KCNH1: variants seen among roughly 807,000 people sequenced by gnomAD.
The protein encoded by KCNH1 is potassium voltage-gated channel subfamily H member 1, also known as voltage-gated delayed rectifier potassium channel KCNH1.
A neutral mutation model predicts 69.2 loss-of-function variants in KCNH1; 27 were observed. The observed-to-expected ratio is 0.39, with a 90% CI of 0.29 to 0.54. KCNH1 has a LOEUF of 0.54. KCNH1 is among the 20% of genes least tolerant of loss of function. The pLI is 0.68. For synonymous variants in KCNH1, 456 were observed against 487.7 expected (o/e 0.93, Z 0.86); for missense variants, 798 against 1,261.6 (o/e 0.63, Z 5.57).
intron 6 of KCNH1, among the ~76,000 whole-genome samples, chr1:210,964,057 C>G (rs1055738237): frequency 4.3e-4 from 66 of 152,196 alleles, no homozygotes; most frequent in South Asian, 2.1e-4. Context: ...GTTGGGTTAC[C>G]CACAAAGGGA....
chr1:210,796,259 T>C (rs530464938), intron 9 of KCNH1, among the ~76,000 whole-genome samples: 75 of 152,202 alleles, frequency 4.9e-4, no homozygotes, highest in African/African-American at 1.7e-3. Context: ...ATGGACCTCA[T>C]CAGCCATGAG....
chr1:211,125,208 G>C (rs930934004), intron 1 of KCNH1, among the ~76,000 whole-genome samples: 1 of 152,178 alleles, frequency 6.6e-6, no homozygotes, highest in Non-Finnish European at 1.5e-5. Flanking sequence ...CCCACAAGCT[G>C]AAGGCAGCCA....
In KCNH1 at chr1:210,852,759, T is replaced by C. The variant is rs569231707; in HGVS notation, c.1463-48593A>G. On this transcript the variant is annotated intron_variant, in intron 7 of 10. Transcript: ENST00000271751. ...TAGGTTACAGGTTAAAATCATTCCA[T>C]GGTTCCCTTACTTTCATGAACAAAC... Among the ~76,000 whole-genome samples the C allele has an allele frequency of 5.3e-5, 8 of 152,348 alleles. No individual in the cohort carries two copies. The East Asian group carries it at 1.5e-3, about 29-fold the overall frequency.
chr1:211,040,207 A>G lies in KCNH1; in HGVS notation c.559-20951T>C, dbSNP rs530891080. Among the ~76,000 whole-genome samples the G allele has an allele frequency of 5.2e-3, 783 of 151,138 alleles. 8 individuals are homozygous for G. The highest frequency in any genetic ancestry group is 0.018 in the African/African-American group (751 of 41,256). On this transcript the variant is annotated intron_variant, in intron 5 of 10. Coordinates refer to ENST00000271751, the MANE Select transcript of KCNH1 (RefSeq NM_172362.3). ...CTCCGTCTCAAAAAAAAAAAAAAAA[A>G]GACTTCGGGGGACTGTTGGGAAGGC...
intron 10 of KCNH1, among the ~76,000 whole-genome samples, chr1:210,709,665 T>C (rs188467447): frequency 4.0e-4 from 59 of 147,602 alleles, no homozygotes; most frequent in African/African-American, 1.3e-3. Flanking sequence ...GATTGACAGA[T>C]AGACGGAAAG....
intron 7 of KCNH1, among the ~76,000 whole-genome samples, chr1:210,826,188 G>A (rs1019908919): frequency 2.0e-4 from 30 of 152,120 alleles, no homozygotes; most frequent in Admixed American, 1.3e-4. Context: ...GATAGCCTGA[G>A]AAGTACTGAA....
At chr1:210,874,239 C>A (rs1686315886) in intron 7 of KCNH1, among the ~76,000 whole-genome samples, 2 of 152,196 alleles carry the variant, frequency 1.3e-5, no homozygotes, top group South Asian at 4.1e-4. Flanking sequence ...CAGAAGAAAC[C>A]TGATGCTGTC....
chr1:211,096,030 G>A (rs369621648), intron 3 of KCNH1, among the ~76,000 whole-genome samples: 14 of 147,764 alleles, frequency 9.5e-5, no homozygotes, highest in East Asian at 5.9e-4. Flanking sequence ...CTGAGACATA[G>A]GTGTTTAAAA....
At chr1:211,002,300 G>C (rs7519090) in intron 6 of KCNH1, among the ~76,000 whole-genome samples, 47,553 of 144,770 alleles carry the variant, frequency 0.33, 8,137 homozygotes, top group Non-Finnish European at 0.39. Context: ...ATGTATATAT[G>C]TATACATGTA....
At chr1:210,996,497 G>T (rs189179167) in intron 6 of KCNH1, among the ~76,000 whole-genome samples, 1,838 of 152,318 alleles carry the variant, frequency 0.012, 40 homozygotes, top group African/African-American at 0.041. Flanking sequence ...ACCTCGAACT[G>T]GGTGGAGCCC....
intron 6 of KCNH1, among the ~76,000 whole-genome samples, chr1:211,005,032 G>A (rs12030715): frequency 0.15 from 22,034 of 151,870 alleles, 1,895 homozygotes; most frequent in East Asian, 0.39. Context: ...AAGAAAGAGC[G>A]AATAAGAGAG....
At chr1:211,111,720 C>T (rs1174978710) in intron 1 of KCNH1, among the ~76,000 whole-genome samples, 1 of 142,180 alleles carries the variant, frequency 7.0e-6, no homozygotes, top group South Asian at 2.4e-4. Flanking sequence ...CCCCACCCCA[C>T]CCAACCCCAG....
chr1:210,870,432 A>G (rs953820492), intron 7 of KCNH1, among the ~76,000 whole-genome samples: 2 of 152,186 alleles, frequency 1.3e-5, no homozygotes, highest in Admixed American at 6.6e-5. Flanking sequence ...AATTGAAAAA[A>G]GCACATGGTA....
chr1:210,936,457 A>G (rs964506054), intron 6 of KCNH1, among the ~76,000 whole-genome samples: 8 of 152,170 alleles, frequency 5.3e-5, no homozygotes, highest in African/African-American at 9.7e-5. Context: ...CAAGCTCCAC[A>G]CTTGCATCTT....
chr1:211,079,517 AAG>A (rs1690810969), intron 5 of KCNH1, among the ~76,000 whole-genome samples: 1 of 152,220 alleles, frequency 6.6e-6, no homozygotes, highest in African/African-American at 2.4e-5. Context: ...ACAACAAAAA[AAG>A]AGAATTTTAG....
At chr1:210,901,435 T>C (rs893540895) in intron 7 of KCNH1, among the ~76,000 whole-genome samples, 5 of 152,038 alleles carry the variant, frequency 3.3e-5, no homozygotes, top group Non-Finnish European at 5.9e-5. Flanking sequence ...TGGCAGTGGG[T>C]GGTCAGGTTG....
rs145959763 is a variant in KCNH1, at chr1:210,819,006, T to C, written c.1463-14840A>G. On this transcript the variant is annotated intron_variant, in intron 7 of 10. Transcript: ENST00000271751. ...ATTTAGTTTGCAAGTAACCATTGGA[T>C]GCCTTATTTTTTAAAAGTCTTGTTA... is the stretch of plus-strand genomic sequence containing the variant. Among the ~76,000 whole-genome samples, 199 of 152,360 alleles carry C rather than the reference T, an allele frequency of 1.3e-3. 1 individual carries two copies. Among genetic ancestry groups the C allele is most frequent in the African/African-American group, 4.6e-3 (191 of 41,588 alleles).
chr1:210,846,338 G>A (rs1265330777), intron 7 of KCNH1, among the ~76,000 whole-genome samples: 1 of 152,104 alleles, frequency 6.6e-6, no homozygotes, highest in Admixed American at 6.5e-5. Flanking sequence ...TATACTACAA[G>A]GCTACAGTAA....
intron 3 of KCNH1, among the ~76,000 whole-genome samples, chr1:211,099,446 A>G (rs1242421430): frequency 2.6e-5 from 4 of 152,192 alleles, no homozygotes; most frequent in African/African-American, 4.8e-5. Context: ...ATAGAACTCT[A>G]TATTGCTTTA....
Sources: allele counts gnomAD v4.1 joint callset (sites outside exome capture counted in the v4.1 genomes callset), GRCh38; gene constraint gnomAD v4.1.1; transcripts MANE v1.5; gene names NCBI Gene and HGNC (gene_info 2026-07-23, HGNC 2026-07-21).